The following SLC35F3 variants were observed in gnomAD, a reference collection of about 807,000 sequenced individuals.
The protein encoded by SLC35F3 is solute carrier family 35 member F3.
Under a neutral mutation model 49.9 loss-of-function variants are expected in SLC35F3, and 25 were observed. The observed-to-expected ratio is 0.50, with a 90% CI of 0.37 to 0.70. SLC35F3 has a LOEUF of 0.70. Ranked by LOEUF, SLC35F3 falls within the 30% of genes least tolerant of loss-of-function variation. The pLI, the probability that SLC35F3 is intolerant of heterozygous loss-of-function variation, is 0.00. For synonymous variants in SLC35F3, 275 were observed against 265.4 expected (o/e 1.04, Z -0.35); for missense variants, 525 against 639.8 (o/e 0.82, Z 1.94).
chr1:233,928,686 T>A lies in SLC35F3; in HGVS notation c.283+22928T>A, dbSNP rs1487359024. ...AACTTTGGTTAATATTAGATTATTA[T>A]TGTTGAAAGTCTTGACTTACAAAAG... On this transcript the variant is annotated intron_variant, in intron 2 of 7. Transcript: ENST00000366618. 5.9e-5 allele frequency among the ~76,000 whole-genome samples: 9 copies of A among 152,214 alleles called. 1 individual carries two copies.
At chr1:233,923,961 T>C (rs1259051046) in intron 2 of SLC35F3, among the ~76,000 whole-genome samples, 1 of 152,230 alleles carries the variant, frequency 6.6e-6, no homozygotes, top group Non-Finnish European at 1.5e-5. Context: ...GATTTGTGTA[T>C]GTTGAACAAG....
At chr1:234,248,131 G>C (rs1349779387) in intron 3 of SLC35F3, among the ~76,000 whole-genome samples, 1 of 152,226 alleles carries the variant, frequency 6.6e-6, no homozygotes, top group Admixed American at 6.5e-5. Context: ...CTGTGGGTCG[G>C]TTGGCTGGTC....
At chr1:234,210,293 T>A (rs990988840) in intron 2 of SLC35F3, among the ~76,000 whole-genome samples, 1 of 152,170 alleles carries the variant, frequency 6.6e-6, no homozygotes, top group Non-Finnish European at 1.5e-5. Context: ...AGCATGAAGA[T>A]GGGCTAATAT....
At chr1:233,995,399 T>C (rs1937259) in intron 2 of SLC35F3, among the ~76,000 whole-genome samples, 41,185 of 151,142 alleles carry the variant, frequency 0.27, 5,651 homozygotes, top group East Asian at 0.48. Context: ...TGGGAGCCCC[T>C]GGCCAGATGG....
intron 2 of SLC35F3, among the ~76,000 whole-genome samples, chr1:234,006,788 G>A (rs943534452): frequency 6.6e-6 from 1 of 152,186 alleles, no homozygotes; most frequent in African/African-American, 2.4e-5. Context: ...TAAGGACTTT[G>A]CTTTTATGCT....
At position 234,323,349 on chromosome 1, in the gene SLC35F3, G is replaced by T; in HGVS notation, c.*106G>T. 1.1e-6 allele frequency: 1 copy of T among 947,160 alleles called. No individual in the cohort carries two copies. 58.7% of individuals were successfully genotyped at this position (947,160 alleles called of 1,614,324 possible). ...TACCTGTACAGTTTTGGTCATCTGC[G>T]GTAAGTTCTATGGTATTTATTGGCA... On this transcript the variant is annotated 3_prime_UTR_variant, in exon 8 of 8. Transcript: ENST00000366618. This position sits in a 1 kb window ranked among gnomAD's most constrained non-coding sequence, Gnocchi z 4.5.
chr1:234,187,439 A>G (rs1310546165), intron 2 of SLC35F3, among the ~76,000 whole-genome samples: 2 of 152,210 alleles, frequency 1.3e-5, no homozygotes, highest in Non-Finnish European at 2.9e-5. Flanking sequence ...ACTCGGATGG[A>G]TAGAGCAGCA....
chr1:234,308,090 G>A lies in SLC35F3; in HGVS notation c.609-1011G>A, dbSNP rs181268770. Among the ~76,000 whole-genome samples the A allele has an allele frequency of 2.8e-3, 431 of 152,074 alleles. 2 individuals carry two copies. Among genetic ancestry groups the A allele is most frequent in the African/African-American group, 9.8e-3 (405 of 41,450 alleles). On this transcript the variant is annotated intron_variant, in intron 3 of 7. Coordinates refer to ENST00000366618, the MANE Select transcript of SLC35F3 (RefSeq NM_173508.4). ...ACAGATGTTTCCTCATCTCATTCCC[G>A]CGTTAGACTCTGAACTTTTGGATCT...
rs778903360 is a variant in SLC35F3 at position 234,214,527 on chromosome 1, C to CGCTCAGCG, written c.284-16889_284-16882dup. The stretch of plus-strand genomic sequence containing the variant: ...AAGAAGCACTCGGCCCGGGTGGCCC[C>CGCTCAGCG]GCTCAGCGCCTGCAACAGTCCGGTC... On this transcript the variant is annotated intron_variant, in intron 2 of 7. Coordinates refer to ENST00000366618, the MANE Select transcript of SLC35F3 (RefSeq NM_173508.4). The surrounding 1 kb of genome is among the most constrained non-coding windows in gnomAD (Gnocchi z 8.0). 6.4e-7 allele frequency: 1 copy of CGCTCAGCG among 1,555,570 alleles called. No individual in the cohort carries two copies. The highest frequency in any genetic ancestry group is 1.4e-5 in the African/African-American group (1 of 71,378).
At chr1:233,922,611 G>A (rs1319907820) in intron 2 of SLC35F3, among the ~76,000 whole-genome samples, 1 of 151,052 alleles carries the variant, frequency 6.6e-6, no homozygotes, top group Non-Finnish European at 1.5e-5. Flanking sequence ...TGTTCACTCT[G>A]ATGGTAGTTT....
intron 2 of SLC35F3, among the ~76,000 whole-genome samples, chr1:233,965,046 A>C (rs1414242610): frequency 6.6e-6 from 1 of 152,190 alleles, no homozygotes; most frequent in African/African-American, 2.4e-5. Context: ...AGGGGCCTGG[A>C]GAAAGAAATA....
chr1:234,282,221 C>T (rs539720415), intron 3 of SLC35F3, among the ~76,000 whole-genome samples: 4 of 152,308 alleles, frequency 2.6e-5, no homozygotes, highest in Admixed American at 2.0e-4. Context: ...GTGCAGCGGA[C>T]CCACCAGGCT....
chr1:233,905,981 C>T (rs1291825780), intron 2 of SLC35F3, among the ~76,000 whole-genome samples: 1 of 152,122 alleles, frequency 6.6e-6, no homozygotes, highest in Non-Finnish European at 1.5e-5. Flanking sequence ...TCCTCTCCCA[C>T]ACACAGGATC....
chr1:234,296,928 C>G (rs550284174), intron 3 of SLC35F3, among the ~76,000 whole-genome samples: 6 of 152,262 alleles, frequency 3.9e-5, no homozygotes, highest in African/African-American at 1.4e-4. Context: ...CTTACATTTT[C>G]TTTTAATGAA....
chr1:234,139,951 T>TAATAAAA (rs1553308863), intron 2 of SLC35F3, among the ~76,000 whole-genome samples: 1 of 90,564 alleles, frequency 1.1e-5, no homozygotes, highest in Non-Finnish European at 2.3e-5. Flanking sequence ...CATCTCAAAA[T>TAATAAAA]AATAAAATAA....
intron 2 of SLC35F3, among the ~76,000 whole-genome samples, chr1:234,226,953 G>A (rs1486525366): frequency 6.0e-5 from 7 of 116,746 alleles, no homozygotes; most frequent in African/African-American, 8.8e-5. Context: ...TGGCGTGCGC[G>A]CACGCGTGCA....
At chr1:234,268,849 A>C (rs911569246) in intron 3 of SLC35F3, 1 of 152,258 alleles carries the variant, frequency 6.6e-6, no homozygotes, top group African/African-American at 2.4e-5. Context: ...AGACAAAAAA[A>C]CTAAAGCAAA....
intron 2 of SLC35F3, among the ~76,000 whole-genome samples, chr1:233,943,255 A>G (rs569817480): frequency 6.6e-6 from 1 of 152,378 alleles, no homozygotes; most frequent in South Asian, 2.1e-4. Context: ...AGTGGTCTAT[A>G]GGTGTCCATC....
At chr1:234,266,728 C>T (rs1261139466) in intron 3 of SLC35F3, among the ~76,000 whole-genome samples, 1 of 152,056 alleles carries the variant, frequency 6.6e-6, no homozygotes, top group African/African-American at 2.4e-5. Flanking sequence ...ATACTGTAGA[C>T]AACTGTAACA....
Sources: gnomAD v4.1 joint callset for allele counts (sites outside exome capture counted in the v4.1 genomes callset) on GRCh38, gnomAD v4.1.1 for gene constraint, Gnocchi (gnomAD v3.1) non-coding constraint, MANE v1.5 for transcripts, NCBI Gene and HGNC (gene_info 2026-07-23, HGNC 2026-07-21) for gene names.